RHOBTB1: variants seen among roughly 807,000 people sequenced by gnomAD.
The protein encoded by RHOBTB1 is rho-related BTB domain-containing protein 1.
RHOBTB1 carries 40 observed loss-of-function variants against 71.6 expected under a neutral mutation model. The observed-to-expected ratio is 0.56, with a 90% CI of 0.43 to 0.73. RHOBTB1 has a LOEUF of 0.73. RHOBTB1 is among the 30% of genes least tolerant of loss of function. RHOBTB1 has a pLI of 0.00. For missense variants in RHOBTB1, 797 were observed against 894.0 expected (o/e 0.89, Z 1.38); for synonymous variants, 319 against 334.9 (o/e 0.95, Z 0.52).
At chr10:60,986,901 C>T (rs148697925) in intron 1 of RHOBTB1, among the ~76,000 whole-genome samples, 27 of 152,290 alleles carry the variant, frequency 1.8e-4, no homozygotes, top group African/African-American at 6.0e-4. Context: ...AAGACACAAG[C>T]AGCTTCCTTA....
intron 2 of RHOBTB1, among the ~76,000 whole-genome samples, chr10:60,982,936 G>T (rs145756499): frequency 1.7e-4 from 26 of 152,174 alleles, no homozygotes; most frequent in African/African-American, 5.8e-4. Context: ...GGAGGGAAAG[G>T]CGGTGCACAT....
intron 7 of RHOBTB1, among the ~76,000 whole-genome samples, chr10:60,885,240 G>A (rs1378175059): frequency 6.6e-6 from 1 of 152,124 alleles, no homozygotes; most frequent in Non-Finnish European, 1.5e-5. Flanking sequence ...AACCCGATTT[G>A]ATCATTCCAC....
chr10:60,880,754 G>T (rs932076388), intron 7 of RHOBTB1, among the ~76,000 whole-genome samples: 10 of 152,060 alleles, frequency 6.6e-5, no homozygotes, highest in African/African-American at 1.4e-4. Context: ...TCAACCAGCT[G>T]TATGTACATA....
intron 2 of RHOBTB1, among the ~76,000 whole-genome samples, chr10:60,940,759 A>C (rs2084860673): frequency 6.6e-6 from 1 of 152,208 alleles, no homozygotes. Context: ...CCAGACAAAA[A>C]AAATGTGCTT....
intron 2 of RHOBTB1, among the ~76,000 whole-genome samples, chr10:60,985,266 G>GC (rs1554859705): frequency 6.6e-6 from 1 of 152,072 alleles, no homozygotes; most frequent in Non-Finnish European, 1.5e-5. Context: ...ATAATTCTAC[G>GC]TTTTTTAGGC....
intron 2 of RHOBTB1, among the ~76,000 whole-genome samples, chr10:60,953,345 T>C (rs927088652): frequency 6.6e-6 from 1 of 152,190 alleles, no homozygotes; most frequent in African/African-American, 2.4e-5. Context: ...TCTTAGCCAG[T>C]CCCATATCCT....
At chr10:60,909,417 C>G (rs1424958571) in intron 4 of RHOBTB1, among the ~76,000 whole-genome samples, 1 of 151,918 alleles carries the variant, frequency 6.6e-6, no homozygotes, top group Non-Finnish European at 1.5e-5. Flanking sequence ...GATTCTAAAC[C>G]CAAATATTTC....
downstream of RHOBTB1, among the ~76,000 whole-genome samples, chr10:60,867,987 A>G (rs1055037737): frequency 1.3e-5 from 2 of 152,172 alleles, no homozygotes; most frequent in African/African-American, 2.4e-5. Context: ...AATAAATAAT[A>G]TATCTGTGGC....
chr10:60,921,149 T>A (rs2083539994), intron 2 of RHOBTB1, among the ~76,000 whole-genome samples: 1 of 152,080 alleles, frequency 6.6e-6, no homozygotes, highest in South Asian at 2.1e-4. Flanking sequence ...AGTTTCACCA[T>A]GTTGGCCATG....
At chr10:60,921,458 A>G (rs2083558439) in intron 2 of RHOBTB1, among the ~76,000 whole-genome samples, 1 of 152,240 alleles carries the variant, frequency 6.6e-6, no homozygotes, top group East Asian at 1.9e-4. Flanking sequence ...ACACACTGCA[A>G]ACATCCTTCC....
At chr10:60,974,145 T>C (rs961917593) in intron 2 of RHOBTB1, among the ~76,000 whole-genome samples, 3 of 152,086 alleles carry the variant, frequency 2.0e-5, no homozygotes, top group African/African-American at 7.2e-5. Flanking sequence ...AAGTCTATAA[T>C]CAGTTAAGAG....
At chr10:60,864,243 C>T in the RHOBTB1 span, among the ~76,000 whole-genome samples, 1 of 152,158 alleles carries the variant, frequency 6.6e-6, no homozygotes, top group African/African-American at 2.4e-5. Context: ...TCACTATCCT[C>T]CCCATAAGGC....
At chr10:60,875,584 A>G (rs2081013275) in intron 8 of RHOBTB1, among the ~76,000 whole-genome samples, 1 of 152,164 alleles carries the variant, frequency 6.6e-6, no homozygotes, top group Admixed American at 6.5e-5. Flanking sequence ...CATCACTGCA[A>G]TCCTTAATAT....
chr10:60,927,448 A>G (rs962323031), intron 2 of RHOBTB1, among the ~76,000 whole-genome samples: 5 of 152,216 alleles, frequency 3.3e-5, no homozygotes, highest in African/African-American at 1.2e-4. Flanking sequence ...GCATCACATT[A>G]TCTGACTTCA....
At chr10:60,875,733 C>T (rs2081021418) in intron 8 of RHOBTB1, among the ~76,000 whole-genome samples, 1 of 152,172 alleles carries the variant, frequency 6.6e-6, no homozygotes, top group South Asian at 2.1e-4. Context: ...CTGGGGAGAC[C>T]TGCAGTTAGA....
intron 1 of RHOBTB1, among the ~76,000 whole-genome samples, chr10:60,999,091 C>G (rs1198411257): frequency 6.6e-6 from 1 of 152,134 alleles, no homozygotes; most frequent in African/African-American, 2.4e-5. Flanking sequence ...TTATTTTTCA[C>G]CTAGTGCACT....
At chr10:60,880,490 AAAT>A in intron 7 of RHOBTB1, among the ~76,000 whole-genome samples, 1 of 152,168 alleles carries the variant, frequency 6.6e-6, no homozygotes, top group East Asian at 1.9e-4. Flanking sequence ...AAATTCCTAG[AAAT>A]AATAAGAAAT....
intron 2 of RHOBTB1, among the ~76,000 whole-genome samples, chr10:60,962,477 C>T (rs370337112): frequency 2.7e-4 from 41 of 152,044 alleles, no homozygotes; most frequent in Admixed American, 1.6e-3. Context: ...TTTATAAAGT[C>T]CAAATTGGAT....
chr10:60,951,048 A>G (rs1329454895), intron 2 of RHOBTB1, among the ~76,000 whole-genome samples: 2 of 152,220 alleles, frequency 1.3e-5, no homozygotes, highest in Non-Finnish European at 2.9e-5. Flanking sequence ...CAAACACCCT[A>G]CTTCAGAAAA....
Sources: allele counts gnomAD v4.1 joint callset (sites outside exome capture counted in the v4.1 genomes callset), GRCh38; gene constraint gnomAD v4.1.1; transcripts MANE v1.5; gene names NCBI Gene and HGNC (gene_info 2026-07-23, HGNC 2026-07-21).